The following MCM3AP variants were observed in gnomAD, a reference collection of about 807,000 sequenced individuals.
MCM3AP encodes the protein germinal-center associated nuclear protein.
In MCM3AP, 126 loss-of-function variants were observed where a neutral mutation model predicts 184.1. That is an observed-to-expected ratio of 0.68 (90% CI 0.59 to 0.79). The LOEUF is 0.79. Ranked by LOEUF, MCM3AP falls within the 30% of genes least tolerant of loss-of-function variation. The pLI is 0.00. For synonymous variants in MCM3AP, 1,002 were observed against 979.3 expected, an observed-to-expected ratio of 1.02 and a Z score of -0.43; for missense variants, 2,496 against 2,479.2, an observed-to-expected ratio of 1.01 and a Z score of -0.14.
intron 24 of MCM3AP, 40 bp downstream of exon 24, chr21:46,243,425 C>A: frequency 6.5e-7 from 1 of 1,546,270 alleles, no homozygotes; most frequent in South Asian, 1.3e-5. Context: ...CCAGGAAAGT[C>A]TCGTGAGGAG....
In MCM3AP at chr21:46,284,969, TC is replaced by T; in HGVS notation, c.317del (p.Gly106GlufsTer29). On this transcript the variant is annotated frameshift_variant, in exon 1 of 28. Transcript: ENST00000291688. LOFTEE classifies it high-confidence loss of function. ...GTGATTTAAAACTAAATCCTGTGTT[TC>T]CCAGCACAGATGAACTTGAAGGCCC... ...TSGPSSSSVLGNTGFSFKSPT... is the reference protein window; with the variant it reads ...TSGPSSSSVLXNTGFSFKSPT... 1.2e-6 allele frequency: 2 copies of T among 1,614,134 alleles called. No homozygotes were observed. Among genetic ancestry groups the T allele is most frequent in the South Asian group, 2.2e-5 (2 of 91,088 alleles).
At chr21:46,275,147 T>G in intron 6 of MCM3AP, 39 bp downstream of exon 6, 1 of 1,586,458 alleles carries the variant, frequency 6.3e-7, no homozygotes, top group Non-Finnish European at 8.5e-7. Flanking sequence ...AGCAGCCCCG[T>G]CCCCTGCCCA....
chr21:46,283,553 A>C (rs75270326), intron 2 of MCM3AP, 62 bp downstream of exon 2: 32 of 1,190,754 alleles, frequency 2.7e-5, no homozygotes, highest in Non-Finnish European at 1.1e-5. Flanking sequence ...AAAAAAAAAA[A>C]CAGGTTTTAA....
Position 46,267,146 on chromosome 21 carries a change from AGAG to A in MCM3AP, c.2629-7_2629-5del, listed in dbSNP as rs761150440. 5.0e-6 allele frequency: 8 copies of A among 1,612,724 alleles called. No homozygotes were observed. Among genetic ancestry groups the A allele is most frequent in the African/African-American group, 2.7e-5 (2 of 74,914 alleles). ...CCCGGAGAGCATCCTTGCGGATCTGAGAGGAGGAGCGAAATCACTGCAGTCTCA... is the reference window on the plus strand; with the variant it reads ...CCCGGAGAGCATCCTTGCGGATCTGAGAGGAGCGAAATCACTGCAGTCTCA... On this transcript the variant is annotated splice_region_variant and splice_polypyrimidine_tract_variant and intron_variant, in intron 9 of 27. Coordinates refer to ENST00000291688, the MANE Select transcript of MCM3AP (RefSeq NM_003906.5).
At chr21:46,241,780 C>G (rs1051277465) in intron 25 of MCM3AP, 1 of 152,216 alleles carries the variant, frequency 6.6e-6, no homozygotes, top group Non-Finnish European at 1.5e-5. Context: ...TTCAGGTTTC[C>G]TTTGCACATA....
rs1400216050 is a variant in MCM3AP at position 46,235,231 on chromosome 21, T to G, written c.*37A>C. The stretch of plus-strand genomic sequence containing the variant: ...CATTATTTTGAGTAAAAACAGAAAC[T>G]CTTCGGGAGAGACCCCCTCCCCACA... On this transcript the variant is annotated 3_prime_UTR_variant, in exon 28 of 28. Coordinates refer to ENST00000291688, the MANE Select transcript of MCM3AP (RefSeq NM_003906.5). 6.2e-7 allele frequency: 1 copy of G among 1,601,782 alleles called. No individual in the cohort carries two copies.
At chr21:46,243,006 CAAAA>C in intron 24 of MCM3AP, 75 bp from the exon 25 acceptor site, 2 of 1,250,714 alleles carry the variant, frequency 1.6e-6, no homozygotes, top group Non-Finnish European at 2.2e-6. Flanking sequence ...AAAACACACA[CAAAA>C]AAACAAAAAC....
chr21:46,239,351 A>G (rs1012379276), intron 26 of MCM3AP, among the ~76,000 whole-genome samples: 1 of 152,236 alleles, frequency 6.6e-6, no homozygotes, highest in Non-Finnish European at 1.5e-5. Context: ...AGCCTACTGT[A>G]ATAATCCAGA....
chr21:46,262,824 G>C (rs1448823533), intron 13 of MCM3AP, among the ~76,000 whole-genome samples: 1 of 149,856 alleles, frequency 6.7e-6, no homozygotes, highest in African/African-American at 2.5e-5. Flanking sequence ...AAAATTAGCC[G>C]GGCGAGGTAG....
intron 20 of MCM3AP, among the ~76,000 whole-genome samples, chr21:46,247,857 G>T (rs1054473458): frequency 1.3e-5 from 2 of 151,976 alleles, no homozygotes; most frequent in Non-Finnish European, 2.9e-5. Flanking sequence ...CCCAGCACTT[G>T]GGGAGGCCAA....
chr21:46,259,096 A>C lies in MCM3AP; in HGVS notation c.3582-5T>G, dbSNP rs767714352. The C allele has an allele frequency of 1.9e-6, 3 of 1,604,188 alleles. No homozygotes were observed. The highest frequency in any genetic ancestry group is 2.6e-6 in the Non-Finnish European group (3 of 1,175,452). Reference sequence around the variant, plus strand: ...TGGTCTGTCTCTACTGCATTCCTAGAAACAGGGCAATCAGCATGGAAGACA... The same window carrying C: ...TGGTCTGTCTCTACTGCATTCCTAGCAACAGGGCAATCAGCATGGAAGACA... On this transcript the variant is annotated splice_region_variant and splice_polypyrimidine_tract_variant and intron_variant, in intron 15 of 27. Transcript: ENST00000291688.
intron 17 of MCM3AP, chr21:46,256,550 A>C: frequency 5.4e-6 from 3 of 558,686 alleles, no homozygotes; most frequent in Middle Eastern, 4.7e-4. Flanking sequence ...CAGGACGCTG[A>C]GTCTTTCAAG....
chr21:46,260,149 T>C (rs2081023155), intron 15 of MCM3AP, among the ~76,000 whole-genome samples: 7 of 137,824 alleles, frequency 5.1e-5, no homozygotes, highest in Admixed American at 3.9e-4. Flanking sequence ...AAAGAAGCTT[T>C]AATACTTAAA....
Position 46,272,798 on chromosome 21 carries a change from A to G in MCM3AP, c.2228T>C (p.Leu743Pro). 6.2e-7 allele frequency: 1 copy of G among 1,607,096 alleles called. No individual in the cohort carries two copies. Among genetic ancestry groups the G allele is most frequent in the Middle Eastern group, 1.7e-4 (1 of 6,024 alleles). ...DITQQHLCDP[L>P]TVSLIEKCTR... ...GCACTTCTCAATCAGGGACACCGTC[A>G]GGGGGTCACAGAGGTGCTGCTGCGT... Residue 743 changes from leucine (L) to proline (P), a missense_variant, in exon 8 of 28, where the codon CTG becomes CCG. Physicochemically the swap from Leu to Pro is moderately conservative, Grantham distance 98. This residue lies in a region of MCM3AP where 105 missense variants were observed against 97.1 expected (regional missense o/e 1.08). Coordinates refer to ENST00000291688, the MANE Select transcript of MCM3AP (RefSeq NM_003906.5).
At chr21:46,251,762 G>C in intron 19 of MCM3AP, 80 bp from the exon 20 acceptor site, 2 of 909,054 alleles carry the variant, frequency 2.2e-6, no homozygotes, top group Non-Finnish European at 3.3e-6. Context: ...AGACTTTCAG[G>C]AAAAGAAGAA....
chr21:46,270,714 G>A (rs967043152), intron 8 of MCM3AP, 151 bp from the exon 9 acceptor site: 8 of 645,124 alleles, frequency 1.2e-5, no homozygotes, highest in South Asian at 2.1e-5. Context: ...CAAGGTGGGA[G>A]GATCGTTTGA....
At chr21:46,247,110 G>A (rs1483436325) in intron 20 of MCM3AP, 7 of 503,472 alleles carry the variant, frequency 1.4e-5, no homozygotes, top group Non-Finnish European at 2.5e-5. Flanking sequence ...TGTTAGCAAA[G>A]ACTCCCCTCA....
rs999919880 is a variant in MCM3AP, at chr21:46,256,670, A to G, written c.3932+119T>C. On this transcript the variant is annotated intron_variant, in intron 17 of 27. Transcript: ENST00000291688. ...CTGTCCTCGCCTCCAGGCTTCACCT[A>G]TCTTCGCCTCCAGGCTTCACCTATC... The G allele has an allele frequency of 1.5e-4, 192 of 1,274,242 alleles. 1 individual carries two copies. Among genetic ancestry groups the G allele is most frequent in the South Asian group, 3.0e-5 (2 of 66,484 alleles). 78.9% of individuals were successfully genotyped at this position (1,274,242 alleles called of 1,614,324 possible).
chr21:46,251,881 C>A, intron 19 of MCM3AP, 199 bp from the exon 20 acceptor site: 4 of 124,790 alleles, frequency 3.2e-5, no homozygotes, highest in Non-Finnish European at 4.6e-5. Context: ...TGTACTCGTT[C>A]TTTTTTTTTT....
Sources: allele counts gnomAD v4.1 joint callset (sites outside exome capture counted in the v4.1 genomes callset), GRCh38; gene constraint gnomAD v4.1.1; regional missense constraint gnomAD v4.1.1; transcripts MANE v1.5; gene names NCBI Gene and HGNC (gene_info 2026-07-23, HGNC 2026-07-21).